The following MAML3 variants were observed in gnomAD, a reference collection of about 807,000 sequenced individuals.
The protein encoded by MAML3 is mastermind like transcriptional coactivator 3.
MAML3 carries 27 observed loss-of-function variants against 101.9 expected under a neutral mutation model. The observed-to-expected ratio is 0.27, with a 90% confidence interval of 0.20 to 0.37. MAML3 has a LOEUF of 0.37. Ranked by LOEUF, MAML3 falls within the 10% of genes least tolerant of loss-of-function variation. The pLI is 1.00. For synonymous variants in MAML3, 501 were observed against 555.9 expected (o/e 0.90, Z 1.39); for missense variants, 1,316 against 1,444.9 (o/e 0.91, Z 1.45).
intron 1 of MAML3, among the ~76,000 whole-genome samples, chr4:140,074,233 GAAAGAA>G: frequency 7.1e-6 from 1 of 140,808 alleles, no homozygotes; most frequent in Non-Finnish European, 1.6e-5. Flanking sequence ...AAGAAAGAAA[GAAAGAA>G]AGAAAGAAAG....
At position 139,719,905 on chromosome 4, in the gene MAML3, G is replaced by A; in HGVS notation, c.2835C>T (p.Ala945=). Residue 945 remains alanine, a synonymous_variant, in exon 5 of 5, where the codon GCC becomes GCT. Coordinates refer to ENST00000509479, the MANE Select transcript of MAML3 (RefSeq NM_018717.5). ...PVGQALPRPQ[A]PPRLQSLMGT... is the part of the protein sequence containing the mutation. ...CCATAAGGCTCTGCAGCCTTGGAGG[G>A]GCTTGGGGCCTAGGCAAGGCCTGGC... 1 of 1,614,040 alleles carries A rather than the reference G, an allele frequency of 6.2e-7. No homozygotes were observed. The highest frequency in any genetic ancestry group is 8.5e-7 in the Non-Finnish European group (1 of 1,179,916).
At chr4:140,092,677 A>C (rs962152942) in intron 1 of MAML3, among the ~76,000 whole-genome samples, 3 of 152,156 alleles carry the variant, frequency 2.0e-5, no homozygotes, top group African/African-American at 7.2e-5. Flanking sequence ...GCAGAACAGA[A>C]AACACCGGGA....
intron 2 of MAML3, among the ~76,000 whole-genome samples, chr4:139,815,367 G>A (rs1730876451): frequency 6.6e-6 from 1 of 152,132 alleles, no homozygotes; most frequent in Non-Finnish European, 1.5e-5. Context: ...TTATGTGCTA[G>A]GCACTTTAAA....
chr4:139,724,694 A>C (rs1276447367), intron 4 of MAML3, among the ~76,000 whole-genome samples: 3 of 151,966 alleles, frequency 2.0e-5, no homozygotes, highest in Admixed American at 6.6e-5. Flanking sequence ...TGACCCCTGT[A>C]GCCCCCTGAA....
intron 1 of MAML3, among the ~76,000 whole-genome samples, chr4:139,942,256 G>A (rs1449745921): frequency 6.6e-6 from 1 of 152,068 alleles, no homozygotes; most frequent in Non-Finnish European, 1.5e-5. Context: ...ATAATATCAA[G>A]AAGAACACAA....
intron 1 of MAML3, among the ~76,000 whole-genome samples, chr4:140,033,826 AAT>A (rs1356670617): frequency 1.3e-5 from 2 of 152,252 alleles, no homozygotes; most frequent in African/African-American, 4.8e-5. Context: ...CACACAATGG[AAT>A]AATGTCTGCT....
At chr4:140,062,436 G>A (rs577735561) in intron 1 of MAML3, among the ~76,000 whole-genome samples, 32 of 152,064 alleles carry the variant, frequency 2.1e-4, no homozygotes, top group Non-Finnish European at 4.3e-4. Flanking sequence ...GCAGGGCCAC[G>A]CTATCTATGT....
At chr4:140,038,684 A>G (rs1009242525) in intron 1 of MAML3, among the ~76,000 whole-genome samples, 1 of 152,162 alleles carries the variant, frequency 6.6e-6, no homozygotes, top group African/African-American at 2.4e-5. Flanking sequence ...AATAGTCCCT[A>G]CCTCCCAGGG....
At chr4:139,931,901 C>T (rs1343499137) in intron 1 of MAML3, among the ~76,000 whole-genome samples, 1 of 151,782 alleles carries the variant, frequency 6.6e-6, no homozygotes, top group African/African-American at 2.4e-5. Flanking sequence ...CACCTGTAAT[C>T]CCAGCTACTC....
chr4:139,735,596 G>A lies in MAML3; in HGVS notation c.2080-4929C>T, dbSNP rs2111006320. Among the ~76,000 whole-genome samples the A allele has an allele frequency of 6.6e-6, 1 of 152,322 alleles. No individual in the cohort carries two copies. The highest frequency in any genetic ancestry group is 1.9e-4 in the East Asian group (1 of 5,176). ...TAAGGAGCGAGCCTCGGGTCGGCCC[G>A]GCACCGCTGCTTCGGCTCAGAGTCC... On this transcript the variant is annotated intron_variant, in intron 2 of 4. Transcript: ENST00000509479. This position sits in a 1 kb window ranked among gnomAD's most constrained non-coding sequence, Gnocchi z 5.8.
At chr4:139,726,934 G>A (rs1343404885) in intron 3 of MAML3, among the ~76,000 whole-genome samples, 1 of 152,176 alleles carries the variant, frequency 6.6e-6, no homozygotes. Flanking sequence ...AGTAGCTTGC[G>A]TGACCTTGGG....
rs527279608 is a variant in MAML3, at chr4:139,997,381, T to A, written c.469-106414A>T. On this transcript the variant is annotated intron_variant, in intron 1 of 4. Transcript: ENST00000509479. ...CAATATGCACCTTAACTTATCACAA[T>A]CTATTGCAGATTAACACGAACTTAA... Among the ~76,000 whole-genome samples, 11 of 152,128 alleles carry A rather than the reference T, an allele frequency of 7.2e-5. No homozygotes were observed. The South Asian group carries it at 1.0e-3, about 14-fold the overall frequency.
intron 1 of MAML3, among the ~76,000 whole-genome samples, chr4:140,145,570 T>C (rs1409306159): frequency 6.6e-6 from 1 of 152,070 alleles, no homozygotes; most frequent in Non-Finnish European, 1.5e-5. Flanking sequence ...TGTTTTGTTT[T>C]GTTTTGTTTT....
At chr4:140,049,904 AAC>A (rs1452490385) in intron 1 of MAML3, among the ~76,000 whole-genome samples, 1 of 152,160 alleles carries the variant, frequency 6.6e-6, no homozygotes, top group African/African-American at 2.4e-5. Flanking sequence ...TTAATTAGTC[AAC>A]ACAGTAGCTA....
At chr4:139,895,985 T>C (rs1482699254) in intron 1 of MAML3, among the ~76,000 whole-genome samples, 3 of 152,232 alleles carry the variant, frequency 2.0e-5, no homozygotes, top group Non-Finnish European at 4.4e-5. Context: ...TGCTGTGCTA[T>C]AATTTTTATG....
chr4:140,116,077 C>A lies in MAML3; in HGVS notation c.468+36783G>T, dbSNP rs180797684. Among the ~76,000 whole-genome samples the A allele has an allele frequency of 7.0e-3, 1,057 of 152,050 alleles. 9 individuals are homozygous for A. Among genetic ancestry groups the A allele is most frequent in the Non-Finnish European group, 0.012 (836 of 67,962 alleles). ...TATTTGCAATTATTTCATTGTTTCC[C>A]TTTTTTAAAAAAGATTATTCTAAAT... On this transcript the variant is annotated intron_variant, in intron 1 of 4. Transcript: ENST00000509479.
rs887076474 is a variant in MAML3, at chr4:140,120,771, A to G, written c.468+32089T>C. 5.3e-5 allele frequency among the ~76,000 whole-genome samples: 8 copies of G among 152,324 alleles called. 1 individual carries two copies. The South Asian group carries it at 6.2e-4, about 12-fold the overall frequency. On this transcript the variant is annotated intron_variant, in intron 1 of 4. Transcript: ENST00000509479. Reference sequence around the variant, plus strand: ...CTTTTCATTTTGAAATTACAAACAGATAGGGAAAAGGTGTCCTTCACTGCT... The same window carrying G: ...CTTTTCATTTTGAAATTACAAACAGGTAGGGAAAAGGTGTCCTTCACTGCT...
intron 1 of MAML3, among the ~76,000 whole-genome samples, chr4:140,074,976 C>A (rs1727743638): frequency 6.6e-6 from 1 of 152,144 alleles, no homozygotes; most frequent in Admixed American, 6.5e-5. Context: ...TATATATATG[C>A]AAATATTCCC....
intron 1 of MAML3, among the ~76,000 whole-genome samples, chr4:140,093,416 G>GTTTTTTTT (rs561107578): frequency 5.8e-5 from 7 of 121,484 alleles, no homozygotes; most frequent in Admixed American, 8.6e-5. Context: ...ATGTTTGTTT[G>GTTTTTTTT]TTTTTTTTTT....
Sources: allele counts gnomAD v4.1 joint callset (sites outside exome capture counted in the v4.1 genomes callset), GRCh38; gene constraint gnomAD v4.1.1; non-coding constraint Gnocchi (gnomAD v3.1); transcripts MANE v1.5; gene names NCBI Gene and HGNC (gene_info 2026-07-23, HGNC 2026-07-21).